The following MMAB variants were observed in gnomAD, a reference collection of about 807,000 sequenced individuals.
The protein encoded by MMAB is corrinoid adenosyltransferase MMAB.
Under a neutral mutation model 30.6 loss-of-function variants are expected in MMAB, and 17 were observed. That is an observed-to-expected ratio of 0.56 (90% CI 0.38 to 0.83). The LOEUF (loss-of-function observed/expected upper bound fraction) is 0.83, where lower values mean the gene tolerates loss of function less well. MMAB is among the 40% of genes least tolerant of loss of function. The pLI is 0.00. For missense variants in MMAB, 311 were observed against 331.6 expected (o/e 0.94, Z 0.48); for synonymous variants, 134 against 138.6 (o/e 0.97, Z 0.23).
chr12:109,561,250 G>A lies in MMAB; in HGVS notation c.520-146C>T, dbSNP rs550675271. ...CTGCCACGGCACACCCACCGGGCAC[G>A]CTGCTCCAGAGTGGGCAGGGCTGGG... On this transcript the variant is annotated intron_variant, in intron 6 of 8. Coordinates refer to ENST00000545712, the MANE Select transcript of MMAB (RefSeq NM_052845.4). This position sits in a 1 kb window ranked among gnomAD's most constrained non-coding sequence, Gnocchi z 5.3. 1.4e-5 allele frequency: 22 copies of A among 1,589,312 alleles called. No homozygotes were observed. Among genetic ancestry groups the A allele is most frequent in the South Asian group, 3.3e-5 (3 of 89,762 alleles).
intron 3 of MMAB, among the ~76,000 whole-genome samples, chr12:109,567,630 C>T (rs187424136): frequency 2.3e-4 from 35 of 152,254 alleles, no homozygotes; most frequent in Admixed American, 7.8e-4. Context: ...GCATCATTCC[C>T]AAGAAAGGTT....
chr12:109,568,864 CT>C lies in MMAB; in HGVS notation c.197-2del, dbSNP rs1555275604. ...TCTCCTGTGAAGGTACTAGAAAACC[CT>C]GTGGAAAAAAATGTTTAGCCACCCA... On this transcript the variant is annotated splice_acceptor_variant, in intron 2 of 8. Coordinates refer to ENST00000545712, the MANE Select transcript of MMAB (RefSeq NM_052845.4). LOFTEE classifies it high-confidence loss of function. 6.2e-7 allele frequency: 1 copy of C among 1,612,314 alleles called. No individual in the cohort carries two copies. The highest frequency in any genetic ancestry group is 8.5e-7 in the Non-Finnish European group (1 of 1,178,542).
Position 109,568,984 on chromosome 12 carries a change from C to T in MMAB, c.197-121G>A, listed in dbSNP as rs1593004480. On this transcript the variant is annotated intron_variant, in intron 2 of 8. Coordinates refer to ENST00000545712, the MANE Select transcript of MMAB (RefSeq NM_052845.4). ...TCTCTTTTTTGAACAGTCACTCTGTCATCCAGGCTGGAGTACAGCGGCGTG... is the reference window on the plus strand; with the variant it reads ...TCTCTTTTTTGAACAGTCACTCTGTTATCCAGGCTGGAGTACAGCGGCGTG... 5.6e-5 allele frequency: 44 copies of T among 782,414 alleles called. 1 individual carries two copies. In the East Asian group the frequency reaches 1.2e-3, roughly 21 times the overall value. The allele number at this position is 782,414 out of a possible 1,614,324, so 48.5% of individuals were successfully genotyped here. A position where few individuals can be genotyped will look rare whatever the true frequency, so the allele number is the denominator to read the frequency against.
In MMAB at chr12:109,557,121, G is replaced by C. The variant is rs762187403; in HGVS notation, c.660C>G (p.Leu220=). 3 of 1,612,476 alleles carry C rather than the reference G, an allele frequency of 1.9e-6. No homozygotes were observed. The Admixed American group carries it at 5.0e-5, about 27-fold the overall frequency. The part of the protein sequence containing the change: ...AKFLNRLSDY[L]FTLARYAAMK... ...TGGCTGCATATCTGGCTAGCGTGAA[G>C]AGATAGTCACTGAGTCTGGAGGGGC... Residue 220 remains leucine (L), a synonymous_variant, in exon 9 of 9, where the codon CTC becomes CTG. Transcript: ENST00000545712.
chr12:109,565,035 A>G (rs1451277001), intron 4 of MMAB, 84 bp downstream of exon 4: 2 of 1,032,404 alleles, frequency 1.9e-6, no homozygotes, highest in Non-Finnish European at 3.1e-6. Context: ...GGTGACACAA[A>G]GAGTAACTGG....
At chr12:109,565,718 C>A (rs1368403069) in intron 3 of MMAB, among the ~76,000 whole-genome samples, 1 of 152,166 alleles carries the variant, frequency 6.6e-6, no homozygotes, top group East Asian at 1.9e-4. Context: ...AAACTGAGAT[C>A]AGTGCTCTGA....
In MMAB at chr12:109,558,943, T is replaced by C. The variant is rs1452154980; in HGVS notation, c.644+153A>G. Reference sequence around the variant, plus strand: ...CCTCCCCTGTGCCCGGCGTGGTGCCTGGCACAGAGCAGATGTTCATAAACA... The same window carrying C: ...CCTCCCCTGTGCCCGGCGTGGTGCCCGGCACAGAGCAGATGTTCATAAACA... On this transcript the variant is annotated intron_variant, in intron 8 of 8. Transcript: ENST00000545712. The surrounding 1 kb of genome is among the most constrained non-coding windows in gnomAD (Gnocchi z 4.3). 2.6e-5 allele frequency among the ~76,000 whole-genome samples: 4 copies of C among 152,136 alleles called. No individual in the cohort carries two copies. Among genetic ancestry groups the C allele is most frequent in the South Asian group, 2.1e-4 (1 of 4,832 alleles).
At chr12:109,564,995 G>A (rs563928034) in intron 4 of MMAB, 124 bp downstream of exon 4, 2 of 816,026 alleles carry the variant, frequency 2.5e-6, no homozygotes, top group South Asian at 2.7e-5. Flanking sequence ...TGAAGAAATG[G>A]AGCTCACAGA....
At chr12:109,562,911 C>T (rs925595350) in intron 4 of MMAB, among the ~76,000 whole-genome samples, 3 of 152,196 alleles carry the variant, frequency 2.0e-5, no homozygotes, top group Non-Finnish European at 2.9e-5. Flanking sequence ...GTGAAGACCA[C>T]AAGTACCACC....
Position 109,556,447 on chromosome 12 carries a change from T to C in MMAB, c.*581A>G, listed in dbSNP as rs886546052. 2.2e-6 allele frequency: 1 copy of C among 454,122 alleles called. No individual in the cohort carries two copies. The highest frequency in any genetic ancestry group is 6.9e-5 in the East Asian group (1 of 14,398). 28.1% of individuals were successfully genotyped at this position (454,122 alleles called of 1,614,324 possible). On this transcript the variant is annotated 3_prime_UTR_variant, in exon 9 of 9. Transcript: ENST00000545712. The stretch of plus-strand genomic sequence containing the variant: ...AGTTTCTGAGCCTCGCCTGTCAATC[T>C]GCAGCTATCCTTCCCCCACACTTTG...
Position 109,555,728 on chromosome 12 carries a change from G to A in MMAB, c.*1300C>T, listed in dbSNP as rs1883951305. Reference sequence around the variant, plus strand: ...CCCAAGGCTCAAGAGGGCCATCACAGCCTGTCAGCAATGAAAGGACCCAGA... The same window carrying A: ...CCCAAGGCTCAAGAGGGCCATCACAACCTGTCAGCAATGAAAGGACCCAGA... On this transcript the variant is annotated 3_prime_UTR_variant, in exon 9 of 9. Transcript: ENST00000545712. The A allele has an allele frequency of 2.2e-6, 1 of 453,868 alleles. No homozygotes were observed. Among genetic ancestry groups the A allele is most frequent in the Admixed American group, 2.4e-5 (1 of 42,536 alleles). 28.1% of individuals were successfully genotyped at this position (453,868 alleles called of 1,614,324 possible).
Position 109,558,501 on chromosome 12 carries a change from C to T in MMAB, c.644+595G>A, listed in dbSNP as rs896867057. Among the ~76,000 whole-genome samples the T allele has an allele frequency of 5.9e-5, 9 of 152,182 alleles. No homozygotes were observed. The highest frequency in any genetic ancestry group is 2.2e-4 in the African/African-American group (9 of 41,450). ...TGCCCCCAGGCTCTGGCCTTGCCCA[C>T]ACTGATGCCACAGAAGCCAGGGCTG... On this transcript the variant is annotated intron_variant, in intron 8 of 8. Coordinates refer to ENST00000545712, the MANE Select transcript of MMAB (RefSeq NM_052845.4). The surrounding 1 kb of genome is among the most constrained non-coding windows in gnomAD (Gnocchi z 4.3).
chr12:109,567,359 G>A (rs192191789), intron 3 of MMAB, among the ~76,000 whole-genome samples: 11 of 152,098 alleles, frequency 7.2e-5, no homozygotes, highest in African/African-American at 9.7e-5. Flanking sequence ...TTTACCTGAC[G>A]TCCCAGAGAC....
intron 3 of MMAB, chr12:109,568,494 C>A (rs1884518392): frequency 5.3e-6 from 3 of 570,058 alleles, no homozygotes; most frequent in Non-Finnish European, 9.4e-6. Context: ...CAGTGGCACA[C>A]ACAGGCTCAC....
chr12:109,572,669 C>T (rs556389947), intron 1 of MMAB, among the ~76,000 whole-genome samples: 38 of 152,214 alleles, frequency 2.5e-4, no homozygotes, highest in Admixed American at 2.0e-3. Flanking sequence ...GATCCTCTGC[C>T]TCAGCCTCCC....
chr12:109,565,438 G>A lies in MMAB; in HGVS notation c.291-262C>T, dbSNP rs114453016. Among the ~76,000 whole-genome samples, 920 of 152,282 alleles carry A rather than the reference G, an allele frequency of 6.0e-3. 19 individuals carry two copies. The highest frequency in any genetic ancestry group is 0.021 in the African/African-American group (883 of 41,530). On this transcript the variant is annotated intron_variant, in intron 3 of 8. Transcript: ENST00000545712. ...AGCTACTCTGGCCAGGCCCAGGAGA[G>A]TCAGTGGTGAACAGAAGCTGACCCA...
intron 3 of MMAB, among the ~76,000 whole-genome samples, chr12:109,567,667 T>C (rs1452375623): frequency 6.6e-6 from 1 of 152,214 alleles, no homozygotes; most frequent in Non-Finnish European, 1.5e-5. Context: ...AGTCGTACTC[T>C]GTCACCCAGA....
At position 109,561,040 on chromosome 12, in the gene MMAB, CGT is replaced by C; in HGVS notation, c.582_583del (p.Arg195CysfsTer23). 6.2e-7 allele frequency: 1 copy of C among 1,608,126 alleles called. No homozygotes were observed. The highest frequency in any genetic ancestry group is 8.5e-7 in the Non-Finnish European group (1 of 1,178,808). ...CTCTCCCTCTCTCCAGCCCTCTTAC[CGT>C]CTCTCGGCCCGGCGGCACACGGCCC... On this transcript the variant is annotated frameshift_variant and splice_region_variant, in exon 7 of 9. Coordinates refer to ENST00000545712, the MANE Select transcript of MMAB (RefSeq NM_052845.4). LOFTEE classifies it high-confidence loss of function. This position sits in a 1 kb window ranked among gnomAD's most constrained non-coding sequence, Gnocchi z 5.3.
rs1555273916 is a variant in MMAB at position 109,556,648 on chromosome 12, T to TCTCTCTCTCTCACACA, written c.*379_*380insTGTGTGAGAGAGAGAG. 1.1e-4 allele frequency: 37 copies of TCTCTCTCTCTCACACA among 328,364 alleles called. No individual in the cohort carries two copies. Among genetic ancestry groups the TCTCTCTCTCTCACACA allele is most frequent in the African/African-American group, 9.4e-4 (32 of 34,036 alleles). The allele number at this position is 328,364 out of a possible 1,614,324, so 20.3% of individuals were successfully genotyped here. A position where few individuals can be genotyped will look rare whatever the true frequency, so the allele number is the denominator to read the frequency against. ...GAGCTGGCAGTGGGAGGGCTCTCTC[T>TCTCTCTCTCTCACACA]CACACACACACACACACACACACAC... On this transcript the variant is annotated 3_prime_UTR_variant, in exon 9 of 9. Coordinates refer to ENST00000545712, the MANE Select transcript of MMAB (RefSeq NM_052845.4).
Sources: allele counts gnomAD v4.1 joint callset (sites outside exome capture counted in the v4.1 genomes callset), GRCh38; gene constraint gnomAD v4.1.1; non-coding constraint Gnocchi (gnomAD v3.1); transcripts MANE v1.5; gene names NCBI Gene and HGNC (gene_info 2026-07-23, HGNC 2026-07-21).